Variants in SERPINE2 observed in about 807,000 individuals in gnomAD.
The protein encoded by SERPINE2 is glia-derived nexin.
Under a neutral mutation model 36.3 loss-of-function variants are expected in SERPINE2, and 14 were observed. That is an observed-to-expected ratio of 0.39 (90% CI 0.25 to 0.60). The LOEUF (loss-of-function observed/expected upper bound fraction) is 0.60. Ranked by LOEUF, SERPINE2 falls within the 20% of genes least tolerant of loss-of-function variation. SERPINE2 has a pLI of 0.57. For missense variants in SERPINE2, 418 were observed against 499.6 expected, an observed-to-expected ratio of 0.84 and a Z score of 1.56; for synonymous variants, 192 against 191.8, an observed-to-expected ratio of 1.00 and a Z score of -0.01.
chr2:224,037,943 G>A (rs1371907321), intron 1 of SERPINE2, among the ~76,000 whole-genome samples: 1 of 152,142 alleles, frequency 6.6e-6, no homozygotes, highest in African/African-American at 2.4e-5. Flanking sequence ...GATTACTCAG[G>A]TTAGTACCTT....
chr2:224,021,147 T>C lies in SERPINE2; in HGVS notation c.-23+17952A>G, dbSNP rs116795447. ...CCTGATGTGGTCTCATAAGTGCTCA[T>C]AGCTGTTGCCCTGGCGTTAGAAATG... On this transcript the variant is annotated intron_variant, in intron 1 of 8. Transcript: ENST00000409304. Among the ~76,000 whole-genome samples the C allele has an allele frequency of 5.7e-3, 863 of 152,326 alleles. 8 individuals are homozygous for C. Among genetic ancestry groups the C allele is most frequent in the African/African-American group, 0.019 (795 of 41,562 alleles).
chr2:224,038,698 G>C, intron 1 of SERPINE2: 1 of 617,062 alleles, frequency 1.6e-6, no homozygotes, highest in Non-Finnish European at 2.9e-6. Context: ...GTCCGGGGTA[G>C]GGGTTGCCGG....
chr2:224,038,501 C>T (rs1692602635), intron 1 of SERPINE2: 1 of 1,551,662 alleles, frequency 6.4e-7, no homozygotes, highest in Non-Finnish European at 8.7e-7. Context: ...TGCAGTCACT[C>T]ATCCGCCTCG....
At chr2:224,011,034 T>C (rs1691608143) in intron 1 of SERPINE2, among the ~76,000 whole-genome samples, 1 of 152,112 alleles carries the variant, frequency 6.6e-6, no homozygotes, top group African/African-American at 2.4e-5. Flanking sequence ...TCCATTACTG[T>C]GGGAATGGAG....
At position 224,005,086 on chromosome 2, in the gene SERPINE2, TATATATATATAA is replaced by T. The variant is rs1373651428; in HGVS notation, c.-22-3176_-22-3165del. ...TATATTATATATATATATATATATA[TATATATATATAA>T]AACATTGTAAAAACAGGGTGAAAGG... is the stretch of plus-strand genomic sequence containing the variant. On this transcript the variant is annotated intron_variant, in intron 1 of 8. Coordinates refer to ENST00000409304, the MANE Select transcript of SERPINE2 (RefSeq NM_001136528.2). 6.5e-3 allele frequency among the ~76,000 whole-genome samples: 643 copies of T among 98,812 alleles called. 21 individuals carry two copies. Among genetic ancestry groups the T allele is most frequent in the African/African-American group, 0.019 (460 of 24,734 alleles). 64.8% of individuals were successfully genotyped at this position (98,812 alleles called of 152,430 possible). A position where few individuals can be genotyped will look rare whatever the true frequency, so the allele number is the denominator to read the frequency against.
intron 2 of SERPINE2, among the ~76,000 whole-genome samples, chr2:224,001,359 TC>T (rs1375957596): frequency 6.6e-6 from 1 of 151,828 alleles, no homozygotes; most frequent in African/African-American, 2.4e-5. Flanking sequence ...CCAGGAAGTG[TC>T]CCCCTCGCTG....
chr2:224,015,295 TGTGTAA>T lies in SERPINE2; in HGVS notation c.-22-13379_-22-13374del, dbSNP rs148583641. Reference sequence around the variant, plus strand: ...ACAAATGCTCTGACATCGAGGAGAGTGTGTAAGAATGGAAGCAGAGGCACACCTGGG... The same window carrying T: ...ACAAATGCTCTGACATCGAGGAGAGTGAATGGAAGCAGAGGCACACCTGGG... On this transcript the variant is annotated intron_variant, in intron 1 of 8. Transcript: ENST00000409304. 1.9e-3 allele frequency among the ~76,000 whole-genome samples: 294 copies of T among 151,796 alleles called. 1 individual carries two copies. Among genetic ancestry groups the T allele is most frequent in the African/African-American group, 7.0e-3 (288 of 41,332 alleles).
At chr2:223,999,291 A>G (rs1055553147) in intron 2 of SERPINE2, among the ~76,000 whole-genome samples, 3 of 152,134 alleles carry the variant, frequency 2.0e-5, no homozygotes, top group Non-Finnish European at 2.9e-5. Context: ...AGAGGGTGAA[A>G]AAGAGGCAAA....
intron 6 of SERPINE2, 146 bp downstream of exon 6, chr2:223,982,535 T>C (rs1263909040): frequency 1.5e-5 from 7 of 479,530 alleles, no homozygotes; most frequent in Non-Finnish European, 1.5e-5. Context: ...CGAAGGCCAA[T>C]AGCATAATTT....
intron 1 of SERPINE2, among the ~76,000 whole-genome samples, chr2:224,026,931 C>G (rs1458984765): frequency 1.3e-5 from 2 of 152,164 alleles, no homozygotes; most frequent in Non-Finnish European, 2.9e-5. Context: ...ACGTCAGAGA[C>G]TAAATAGCCA....
chr2:224,029,108 C>T (rs1692278384), intron 1 of SERPINE2, among the ~76,000 whole-genome samples: 1 of 152,254 alleles, frequency 6.6e-6, no homozygotes, highest in African/African-American at 2.4e-5. Flanking sequence ...AATACTGTGG[C>T]ATCCTTAGCC....
At chr2:224,038,758 G>A (rs1401834864) in intron 1 of SERPINE2, 3 of 533,562 alleles carry the variant, frequency 5.6e-6, no homozygotes, top group Non-Finnish European at 9.9e-6. Context: ...TCGGATGGCC[G>A]GGCAGGAGCC....
At chr2:224,009,300 T>C (rs1436954447) in intron 1 of SERPINE2, among the ~76,000 whole-genome samples, 4 of 152,182 alleles carry the variant, frequency 2.6e-5, no homozygotes, top group East Asian at 1.9e-4. Flanking sequence ...AGGCCCCTTA[T>C]TAATCTACAG....
intron 2 of SERPINE2, among the ~76,000 whole-genome samples, chr2:223,998,696 C>G (rs1690992356): frequency 6.6e-6 from 1 of 152,076 alleles, no homozygotes; most frequent in Non-Finnish European, 1.5e-5. Context: ...GCCTGGGTGA[C>G]TAAGCAAGAC....
At chr2:224,019,033 T>C (rs1441589093) in intron 1 of SERPINE2, among the ~76,000 whole-genome samples, 1 of 152,146 alleles carries the variant, frequency 6.6e-6, no homozygotes, top group African/African-American at 2.4e-5. Flanking sequence ...AGGCTCTGAG[T>C]CGGCCTGTCT....
Position 223,977,558 on chromosome 2 carries a change from C to A in SERPINE2, c.1142G>T (p.Arg381Leu). 1 of 1,608,686 alleles carries A rather than the reference C, an allele frequency of 6.2e-7. No homozygotes were observed. Among genetic ancestry groups the A allele is most frequent in the South Asian group, 1.1e-5 (1 of 90,924 alleles). ...GAGTCACTTACCTGTAGGATTATGT[C>A]GGATGAAAAACAGAAAAGGTCTGTC... Reference protein sequence around the residue: ...IVDRPFLFFIRHNPTGAVLFM... With the variant: ...IVDRPFLFFILHNPTGAVLFM... The change falls in exon 8 of 9, where the codon CGA becomes CTA. Residue 381 changes from arginine (R) to leucine (L), a missense_variant. Physicochemically the swap from Arg to Leu is moderately radical, Grantham distance 102. Coordinates refer to ENST00000409304, the MANE Select transcript of SERPINE2 (RefSeq NM_001136528.2).
chr2:223,982,783 T>G lies in SERPINE2; in HGVS notation c.885-2A>C. On this transcript the variant is annotated splice_acceptor_variant, in intron 5 of 8. Coordinates refer to ENST00000409304, the MANE Select transcript of SERPINE2 (RefSeq NM_001136528.2). LOFTEE classifies it high-confidence loss of function. ...TCTGTTTGTGCTACAGCTGTGAACC[T>G]AGCATGAAAGCAGAAATGGAGAAAA... is the stretch of plus-strand genomic sequence containing the variant. 6.2e-7 allele frequency: 1 copy of G among 1,607,646 alleles called. No homozygotes were observed. The highest frequency in any genetic ancestry group is 8.5e-7 in the Non-Finnish European group (1 of 1,176,850).
chr2:224,026,492 G>A (rs970677256), intron 1 of SERPINE2, among the ~76,000 whole-genome samples: 1 of 152,080 alleles, frequency 6.6e-6, no homozygotes, highest in African/African-American at 2.4e-5. Flanking sequence ...AGGCGAATTT[G>A]CCTTCCCCAT....
At chr2:224,031,581 A>G (rs1350870608) in intron 1 of SERPINE2, 2 of 820,254 alleles carry the variant, frequency 2.4e-6, no homozygotes, top group African/African-American at 1.9e-5. Flanking sequence ...GCATCAGCCA[A>G]TCACAGGACC....
Sources: allele counts gnomAD v4.1 joint callset (sites outside exome capture counted in the v4.1 genomes callset), GRCh38; gene constraint gnomAD v4.1.1; transcripts MANE v1.5; gene names NCBI Gene and HGNC (gene_info 2026-07-23, HGNC 2026-07-21).